Variants in SMYD3 observed in about 807,000 individuals in gnomAD.
SMYD3 encodes SET and MYND domain containing 3.
Under a neutral mutation model 57.7 loss-of-function variants are expected in SMYD3, and 36 were observed. The ratio of observed to expected loss-of-function variants is 0.62; its 90% CI spans 0.48 to 0.82. The LOEUF (loss-of-function observed/expected upper bound fraction) is 0.82, where lower values mean the gene tolerates loss of function less well. Ranked by LOEUF, SMYD3 falls within the 40% of genes least tolerant of loss-of-function variation. SMYD3 has a pLI of 0.00. For missense variants in SMYD3, 515 were observed against 538.8 expected (o/e 0.96, Z 0.44); for synonymous variants, 211 against 195.0 (o/e 1.08, Z -0.68).
At chr1:246,101,418 T>C (rs972586558) in intron 5 of SMYD3, among the ~76,000 whole-genome samples, 2 of 152,126 alleles carry the variant, frequency 1.3e-5, no homozygotes, top group Non-Finnish European at 2.9e-5. Flanking sequence ...TGGCACAAAA[T>C]GGCTGTTCCT....
chr1:246,369,552 G>A (rs2066160614), intron 1 of SMYD3, among the ~76,000 whole-genome samples: 1 of 151,916 alleles, frequency 6.6e-6, no homozygotes. Flanking sequence ...TTTGAGACAG[G>A]GTCTCGCTCT....
intron 5 of SMYD3, among the ~76,000 whole-genome samples, chr1:246,007,500 T>C (rs367605082): frequency 2.0e-5 from 3 of 151,804 alleles, no homozygotes; most frequent in Non-Finnish European, 2.9e-5. Context: ...TAAAAGGAGA[T>C]GAAAGGACTA....
At chr1:246,496,140 G>A (rs971483566) in intron 1 of SMYD3, among the ~76,000 whole-genome samples, 11 of 151,904 alleles carry the variant, frequency 7.2e-5, no homozygotes, top group Non-Finnish European at 5.9e-5. Context: ...GGGTTCAAGC[G>A]ATTCTCCTGC....
intron 10 of SMYD3, among the ~76,000 whole-genome samples, chr1:245,856,850 T>C (rs2051267334): frequency 6.6e-6 from 1 of 152,096 alleles, no homozygotes; most frequent in Admixed American, 6.5e-5. Flanking sequence ...AAGGGTATTT[T>C]TCAGTCTGCA....
chr1:245,879,165 T>A (rs1260291781), intron 8 of SMYD3, among the ~76,000 whole-genome samples: 1 of 152,198 alleles, frequency 6.6e-6, no homozygotes, highest in Non-Finnish European at 1.5e-5. Context: ...GACAGTCGCT[T>A]AGGTTCCCAT....
chr1:246,333,504 C>G (rs1304849454), intron 3 of SMYD3, among the ~76,000 whole-genome samples: 1 of 152,058 alleles, frequency 6.6e-6, no homozygotes, highest in Non-Finnish European at 1.5e-5. Context: ...ACTATGCAGC[C>G]AACAAAGGTC....
chr1:245,936,623 A>G (rs2056991280), intron 5 of SMYD3, among the ~76,000 whole-genome samples: 1 of 152,226 alleles, frequency 6.6e-6, no homozygotes, highest in African/African-American at 2.4e-5. Context: ...GGCCAGGCGC[A>G]GCGGCTCACT....
At chr1:245,817,968 A>G (rs1237114074) in intron 10 of SMYD3, among the ~76,000 whole-genome samples, 1 of 152,178 alleles carries the variant, frequency 6.6e-6, no homozygotes, top group Non-Finnish European at 1.5e-5. Context: ...GTTGGAAAGC[A>G]CTCTGCAGGA....
chr1:245,966,397 G>A (rs1314340650), intron 5 of SMYD3, among the ~76,000 whole-genome samples: 1 of 152,092 alleles, frequency 6.6e-6, no homozygotes, highest in African/African-American at 2.4e-5. Context: ...TTGAACTCCT[G>A]GCCTCAAGAA....
intron 8 of SMYD3, among the ~76,000 whole-genome samples, chr1:245,894,937 G>A (rs1244863752): frequency 3.9e-5 from 6 of 152,242 alleles, no homozygotes; most frequent in South Asian, 2.1e-4. Context: ...ACAGGGCCAC[G>A]TGAAGGAGCC....
At chr1:246,424,062 A>G (rs1395438070) in intron 1 of SMYD3, among the ~76,000 whole-genome samples, 1 of 152,196 alleles carries the variant, frequency 6.6e-6, no homozygotes, top group African/African-American at 2.4e-5. Context: ...GAAGTTCTTC[A>G]GGTTAAAGAG....
chr1:246,326,582 G>A (rs1308355160), intron 5 of SMYD3, among the ~76,000 whole-genome samples: 4 of 144,184 alleles, frequency 2.8e-5, no homozygotes, highest in Admixed American at 7.2e-5. Flanking sequence ...AAGACCATCC[G>A]TCTCTACAAA....
At chr1:246,397,780 G>A (rs1037069606) in intron 1 of SMYD3, among the ~76,000 whole-genome samples, 1 of 152,086 alleles carries the variant, frequency 6.6e-6, no homozygotes, top group African/African-American at 2.4e-5. Context: ...GCTTTTCAAG[G>A]ATAATTCAGC....
chr1:246,134,969 G>A, intron 5 of SMYD3, among the ~76,000 whole-genome samples: 1 of 151,166 alleles, frequency 6.6e-6, no homozygotes, highest in East Asian at 1.9e-4. Context: ...ATATGCTGAA[G>A]AGGCTGCTGT....
At chr1:245,756,531 C>T (rs2148022337) in intron 11 of SMYD3, among the ~76,000 whole-genome samples, 1 of 152,100 alleles carries the variant, frequency 6.6e-6, no homozygotes, top group African/African-American at 2.4e-5. Flanking sequence ...CATTCTTTTA[C>T]AGTAAGTCTG....
intron 10 of SMYD3, among the ~76,000 whole-genome samples, chr1:245,770,698 G>C (rs2046298892): frequency 6.6e-6 from 1 of 152,178 alleles, no homozygotes; most frequent in African/African-American, 2.4e-5. Flanking sequence ...TACAGGTACT[G>C]AAATGGTAAG....
At chr1:246,282,302 CTACAAAAAAAAAAAAA>C (rs1558374733) in intron 5 of SMYD3, among the ~76,000 whole-genome samples, 7 of 45,448 alleles carry the variant, frequency 1.5e-4, no homozygotes, top group African/African-American at 5.8e-4. Context: ...ACCCTCATCT[CTACAAAAAAAAAAAAA>C]AAAAAAAAAA....
At chr1:246,235,045 T>C (rs2063491652) in intron 5 of SMYD3, among the ~76,000 whole-genome samples, 1 of 152,196 alleles carries the variant, frequency 6.6e-6, no homozygotes, top group African/African-American at 2.4e-5. Context: ...ACGTTTTACT[T>C]TGCATTAGGT....
At chr1:245,796,421 T>C (rs1217204039) in intron 10 of SMYD3, among the ~76,000 whole-genome samples, 1 of 152,132 alleles carries the variant, frequency 6.6e-6, no homozygotes, top group African/African-American at 2.4e-5. Context: ...TACAGGACAC[T>C]GCCAAATAGA....
Sources: gnomAD v4.1 joint callset for allele counts (sites outside exome capture counted in the v4.1 genomes callset) on GRCh38, gnomAD v4.1.1 for gene constraint, MANE v1.5 for transcripts, NCBI Gene and HGNC (gene_info 2026-07-23, HGNC 2026-07-21) for gene names.